Variants in NBEA observed in about 807,000 individuals in gnomAD.
The protein encoded by NBEA is neurobeachin.
NBEA carries 44 observed loss-of-function variants against 343.4 expected under a neutral mutation model. That is an observed-to-expected ratio of 0.13 (90% confidence interval 0.10 to 0.16). The LOEUF is 0.16. Ranked by LOEUF, NBEA falls within the 10% of genes least tolerant of loss-of-function variation. The pLI, the probability that NBEA is intolerant of heterozygous loss-of-function variation, is 1.00. For synonymous variants in NBEA, 1,175 were observed against 1,238.7 expected, an observed-to-expected ratio of 0.95 and a Z score of 1.08; for missense variants, 2,555 against 3,631.3, an observed-to-expected ratio of 0.70 and a Z score of 7.62.
intron 34 of NBEA, among the ~76,000 whole-genome samples, chr13:35,267,849 A>G (rs1202795687): frequency 6.6e-6 from 1 of 151,798 alleles, no homozygotes; most frequent in African/African-American, 2.4e-5. Context: ...AAAGAAGAAG[A>G]AAAAACAATA....
chr13:35,341,596 A>G (rs905808987), intron 36 of NBEA, among the ~76,000 whole-genome samples: 3 of 152,106 alleles, frequency 2.0e-5, no homozygotes, highest in Admixed American at 1.3e-4. Context: ...ACAAGTAGAC[A>G]TTTCTCCAAA....
chr13:35,107,727 A>C (rs1360853479), intron 11 of NBEA, among the ~76,000 whole-genome samples: 2 of 152,012 alleles, frequency 1.3e-5, no homozygotes, highest in East Asian at 3.8e-4. Flanking sequence ...AATAGTGAGT[A>C]ATCAACATGT....
At chr13:35,467,973 T>C (rs1163420113) in intron 40 of NBEA, among the ~76,000 whole-genome samples, 1 of 152,210 alleles carries the variant, frequency 6.6e-6, no homozygotes, top group Non-Finnish European at 1.5e-5. Flanking sequence ...TCCAACTCTT[T>C]TTTTTCCATA....
chr13:35,222,319 T>C (rs2074413389), intron 33 of NBEA, among the ~76,000 whole-genome samples: 1 of 152,090 alleles, frequency 6.6e-6, no homozygotes, highest in African/African-American at 2.4e-5. Flanking sequence ...TGGTAATTTT[T>C]TCCTTTCTTT....
At chr13:34,978,260 A>G (rs1239214773) in intron 1 of NBEA, among the ~76,000 whole-genome samples, 1 of 152,346 alleles carries the variant, frequency 6.6e-6, no homozygotes, top group African/African-American at 2.4e-5. Context: ...TGGCACACAG[A>G]CTTCAGATAA....
At chr13:35,085,782 A>G (rs1386790552) in intron 10 of NBEA, among the ~76,000 whole-genome samples, 6 of 152,082 alleles carry the variant, frequency 3.9e-5, no homozygotes, top group South Asian at 4.1e-4. Context: ...AGGAAAAGAG[A>G]AAGTCAAATT....
At chr13:34,989,991 C>T (rs888606168) in intron 1 of NBEA, among the ~76,000 whole-genome samples, 5 of 151,168 alleles carry the variant, frequency 3.3e-5, no homozygotes, top group African/African-American at 1.2e-4. Context: ...AAATAATTTT[C>T]TTTGACTCCA....
chr13:35,238,702 A>G (rs953333906), intron 34 of NBEA, among the ~76,000 whole-genome samples: 1 of 152,162 alleles, frequency 6.6e-6, no homozygotes, highest in Non-Finnish European at 1.5e-5. Flanking sequence ...TAGGCTCTAT[A>G]TACAAGTTGA....
At chr13:34,995,234 C>G (rs1385040802) in intron 1 of NBEA, among the ~76,000 whole-genome samples, 2 of 152,130 alleles carry the variant, frequency 1.3e-5, no homozygotes, top group Non-Finnish European at 2.9e-5. Context: ...AGGAGGATCA[C>G]TTGAGGTCAG....
At chr13:35,208,611 C>A in intron 31 of NBEA, 89 bp from the exon 32 acceptor site, 1 of 1,147,400 alleles carries the variant, frequency 8.7e-7, no homozygotes, top group South Asian at 2.7e-5. Flanking sequence ...GGGAGAAATT[C>A]GATGTTGACT....
chr13:35,556,543 T>C (rs1446248133), intron 44 of NBEA, among the ~76,000 whole-genome samples: 2 of 152,128 alleles, frequency 1.3e-5, no homozygotes, highest in Non-Finnish European at 2.9e-5. Context: ...TTTTATATTG[T>C]TTGTTCTCTG....
At chr13:35,537,270 A>G (rs1375924214) in intron 41 of NBEA, among the ~76,000 whole-genome samples, 1 of 152,136 alleles carries the variant, frequency 6.6e-6, no homozygotes, top group Non-Finnish European at 1.5e-5. Context: ...TTCTGCTACT[A>G]GAGAATAACT....
intron 34 of NBEA, among the ~76,000 whole-genome samples, chr13:35,274,919 GGCCATACT>G (rs746715223): frequency 3.9e-5 from 6 of 152,138 alleles, no homozygotes; most frequent in Non-Finnish European, 8.8e-5. Flanking sequence ...TCATGAAAAT[GGCCATACT>G]GCCTAAGGCA....
At chr13:35,246,602 T>A (rs1437384743) in intron 34 of NBEA, among the ~76,000 whole-genome samples, 2 of 152,186 alleles carry the variant, frequency 1.3e-5, no homozygotes, top group African/African-American at 2.4e-5. Context: ...AGGCTGGTAC[T>A]GAGGTTTGTT....
intron 1 of NBEA, among the ~76,000 whole-genome samples, chr13:34,964,481 G>T (rs1237704872): frequency 6.6e-6 from 1 of 151,790 alleles, no homozygotes; most frequent in Non-Finnish European, 1.5e-5. Flanking sequence ...TTATTTTCTG[G>T]AATTTAATTA....
chr13:35,046,942 T>C (rs749007438), intron 4 of NBEA, among the ~76,000 whole-genome samples: 1 of 152,102 alleles, frequency 6.6e-6, no homozygotes, highest in Admixed American at 6.6e-5. Context: ...TCATTTGTGA[T>C]GTTTCTGTTC....
chr13:35,325,827 T>G (rs2038519866), intron 36 of NBEA, among the ~76,000 whole-genome samples: 1 of 152,088 alleles, frequency 6.6e-6, no homozygotes, highest in African/African-American at 2.4e-5. Context: ...TTAGTTAATT[T>G]TTATATATGG....
chr13:35,428,323 A>C (rs2044852567), intron 38 of NBEA, among the ~76,000 whole-genome samples: 1 of 152,046 alleles, frequency 6.6e-6, no homozygotes, highest in Non-Finnish European at 1.5e-5. Flanking sequence ...AGCTCTGCCG[A>C]CTTTCTCCTC....
chr13:35,664,522 C>A (rs1392058252), intron 55 of NBEA, among the ~76,000 whole-genome samples: 1 of 152,222 alleles, frequency 6.6e-6, no homozygotes, highest in Non-Finnish European at 1.5e-5. Flanking sequence ...GCATAACATT[C>A]TCTAAGTCCT....
Sources: allele counts gnomAD v4.1 joint callset (sites outside exome capture counted in the v4.1 genomes callset), GRCh38; gene constraint gnomAD v4.1.1; transcripts MANE v1.5; gene names NCBI Gene and HGNC (gene_info 2026-07-23, HGNC 2026-07-21).